Variants in FAM120A observed in about 807,000 individuals in gnomAD.
The protein encoded by FAM120A is family with sequence similarity 120 member A, also known as constitutive coactivator of PPAR-gamma-like protein 1.
FAM120A carries 15 observed loss-of-function variants against 109.7 expected under a neutral mutation model. The ratio of observed to expected loss-of-function variants is 0.14; its 90% CI spans 0.09 to 0.21. FAM120A has a LOEUF of 0.21. Among genes scored for constraint, FAM120A ranks in the 10% least tolerant of loss-of-function variants. The pLI is 1.00. For synonymous variants in FAM120A, 493 were observed against 572.8 expected (o/e 0.86, Z 1.99); for missense variants, 899 against 1,439.3 (o/e 0.62, Z 6.07).
At chr9:93,470,238 C>T (rs1041322915) in intron 1 of FAM120A, among the ~76,000 whole-genome samples, 1 of 152,082 alleles carries the variant, frequency 6.6e-6, no homozygotes, top group African/African-American at 2.4e-5. Flanking sequence ...GAAAAACCTG[C>T]CAGAATTTTA....
At chr9:93,562,576 G>A (rs1417673003) in intron 17 of FAM120A, among the ~76,000 whole-genome samples, 1 of 152,184 alleles carries the variant, frequency 6.6e-6, no homozygotes, top group Non-Finnish European at 1.5e-5. Flanking sequence ...GGTGTGACAC[G>A]ATGGGCTTGG....
chr9:93,563,191 C>A (rs1046980319), intron 17 of FAM120A, among the ~76,000 whole-genome samples: 1 of 152,122 alleles, frequency 6.6e-6, no homozygotes, highest in Non-Finnish European at 1.5e-5. Flanking sequence ...ATCAACAAGG[C>A]AAATACCCTG....
chr9:93,485,356 G>A (rs1858995356), intron 3 of FAM120A, among the ~76,000 whole-genome samples: 1 of 152,050 alleles, frequency 6.6e-6, no homozygotes, highest in Non-Finnish European at 1.5e-5. Flanking sequence ...AACACTTTGG[G>A]ATGCCAAGGT....
At chr9:93,457,741 C>T (rs564222792) in intron 1 of FAM120A, among the ~76,000 whole-genome samples, 3 of 151,852 alleles carry the variant, frequency 2.0e-5, no homozygotes, top group African/African-American at 7.2e-5. Context: ...TCTTGTGCCA[C>T]CAATTTGTTA....
intron 11 of FAM120A, among the ~76,000 whole-genome samples, chr9:93,547,899 C>G (rs1385469089): frequency 5.9e-5 from 9 of 152,082 alleles, no homozygotes; most frequent in Non-Finnish European, 1.2e-4. Context: ...CTGTATCCAG[C>G]AAGGTGTTCA....
rs578109202 is a variant in FAM120A at position 93,500,830 on chromosome 9, G to A, written c.1030+1944G>A. Among the ~76,000 whole-genome samples, 8 of 152,316 alleles carry A rather than the reference G, an allele frequency of 5.3e-5. No individual in the cohort carries two copies. The highest frequency in any genetic ancestry group is 1.7e-4 in the African/African-American group (7 of 41,570). On this transcript the variant is annotated intron_variant, in intron 5 of 17. Coordinates refer to ENST00000277165, the MANE Select transcript of FAM120A (RefSeq NM_014612.5). The surrounding 1 kb of genome is among the most constrained non-coding windows in gnomAD (Gnocchi z 4.6). ...TAATAATTGCTTGTGGGAATGATGGGGAGCATGAACATTGCCACCTGTGGC... is the reference window on the plus strand; with the variant it reads ...TAATAATTGCTTGTGGGAATGATGGAGAGCATGAACATTGCCACCTGTGGC...
At position 93,471,421 on chromosome 9, in the gene FAM120A, G is replaced by T; in HGVS notation, c.721+34G>T. Reference sequence around the variant, plus strand: ...AGCAGTGTGAAAATATTTTATAAGGGAGTGACCATATGATAAGCACATTGA... The same window carrying T: ...AGCAGTGTGAAAATATTTTATAAGGTAGTGACCATATGATAAGCACATTGA... On this transcript the variant is annotated intron_variant, in intron 2 of 17. Transcript: ENST00000277165. The T allele has an allele frequency of 1.9e-6, 3 of 1,611,588 alleles. No individual in the cohort carries two copies. The South Asian group carries it at 3.3e-5, about 18-fold the overall frequency.
At chr9:93,464,957 C>T (rs1294784990) in intron 1 of FAM120A, among the ~76,000 whole-genome samples, 1 of 152,194 alleles carries the variant, frequency 6.6e-6, no homozygotes, top group Non-Finnish European at 1.5e-5. Context: ...GTACACATTT[C>T]ATTGTATTAT....
chr9:93,460,360 G>T (rs1325869420), intron 1 of FAM120A, among the ~76,000 whole-genome samples: 4 of 150,980 alleles, frequency 2.6e-5, no homozygotes, highest in African/African-American at 7.3e-5. Context: ...GCTTTTTTTT[G>T]AGATGAAGTC....
chr9:93,551,113 A>C (rs981166793), intron 12 of FAM120A, among the ~76,000 whole-genome samples: 4 of 152,166 alleles, frequency 2.6e-5, no homozygotes, highest in African/African-American at 9.7e-5. Context: ...TTACAACTTT[A>C]GTTTTCTCTA....
intron 5 of FAM120A, among the ~76,000 whole-genome samples, chr9:93,506,847 C>T (rs1483362586): frequency 6.6e-6 from 1 of 152,114 alleles, no homozygotes; most frequent in Admixed American, 6.5e-5. Context: ...CTGCCCACCT[C>T]GGCCTCCCAA....
chr9:93,532,074 T>TA lies in FAM120A; in HGVS notation c.1735-79dup. The stretch of plus-strand genomic sequence containing the variant: ...GAATTGCAATGTCATTAACTGGAGA[T>TA]AATACAGTATATTTCTGTGAGTGTA... On this transcript the variant is annotated intron_variant, in intron 9 of 17. Coordinates refer to ENST00000277165, the MANE Select transcript of FAM120A (RefSeq NM_014612.5). This position sits in a 1 kb window ranked among gnomAD's most constrained non-coding sequence, Gnocchi z 4.3. 7.8e-7 allele frequency: 1 copy of TA among 1,274,294 alleles called. No individual in the cohort carries two copies. Among genetic ancestry groups the TA allele is most frequent in the Non-Finnish European group, 1.1e-6 (1 of 893,720 alleles). 78.9% of individuals were successfully genotyped at this position (1,274,294 alleles called of 1,614,324 possible).
At chr9:93,480,889 G>A (rs1280718172) in intron 3 of FAM120A, among the ~76,000 whole-genome samples, 1 of 152,186 alleles carries the variant, frequency 6.6e-6, no homozygotes, top group African/African-American at 2.4e-5. Flanking sequence ...GCTCTGGGCC[G>A]CTGTGCTCCT....
chr9:93,561,933 T>C (rs997803724), intron 16 of FAM120A, among the ~76,000 whole-genome samples: 3 of 152,146 alleles, frequency 2.0e-5, no homozygotes, highest in Non-Finnish European at 4.4e-5. Flanking sequence ...AAAAATAAGA[T>C]TGATTCCTTG....
chr9:93,554,120 TACACACACACACACACACACACAC>T (rs10672125), intron 12 of FAM120A, among the ~76,000 whole-genome samples: 91 of 87,460 alleles, frequency 1.0e-3, no homozygotes, highest in South Asian at 5.9e-3. Context: ...GGCCATTTGA[TACACACACACACACACACACACAC>T]ACACACACAC....
At chr9:93,470,263 T>C (rs1238462149) in intron 1 of FAM120A, among the ~76,000 whole-genome samples, 8 of 152,174 alleles carry the variant, frequency 5.3e-5, no homozygotes, top group African/African-American at 1.7e-4. Flanking sequence ...GATTAATGAG[T>C]ATGTGAAACA....
chr9:93,490,992 C>T (rs1859287130), intron 3 of FAM120A, among the ~76,000 whole-genome samples: 1 of 152,200 alleles, frequency 6.6e-6, no homozygotes, highest in African/African-American at 2.4e-5. Flanking sequence ...TGCCAGCCTC[C>T]ACTCTTCACC....
At chr9:93,495,763 C>T (rs894489246) in intron 3 of FAM120A, among the ~76,000 whole-genome samples, 4 of 152,068 alleles carry the variant, frequency 2.6e-5, no homozygotes, top group Non-Finnish European at 4.4e-5. Context: ...TGGCTGTGGC[C>T]GTTTCAGGAA....
Position 93,452,961 on chromosome 9 carries a change from C to G in FAM120A, c.474+572C>G. The G allele has an allele frequency of 7.3e-7, 1 of 1,375,244 alleles. No homozygotes were observed. The highest frequency in any genetic ancestry group is 9.4e-7 in the Non-Finnish European group (1 of 1,068,556). 85.2% of individuals were successfully genotyped at this position (1,375,244 alleles called of 1,614,324 possible). On this transcript the variant is annotated intron_variant, in intron 1 of 17. Coordinates refer to ENST00000277165, the MANE Select transcript of FAM120A (RefSeq NM_014612.5). The surrounding 1 kb of genome is among the most constrained non-coding windows in gnomAD (Gnocchi z 7.0). ...CAGTGCCCTGGCCTCTACTTCAGAA[C>G]GCAGTGCCCTGTCCGTGTTCCTCTT...
Sources: gnomAD v4.1 joint callset for allele counts (sites outside exome capture counted in the v4.1 genomes callset) on GRCh38, gnomAD v4.1.1 for gene constraint, Gnocchi (gnomAD v3.1) non-coding constraint, MANE v1.5 for transcripts, NCBI Gene and HGNC (gene_info 2026-07-23, HGNC 2026-07-21) for gene names.